Variants in EPB41L4A observed in about 807,000 individuals in gnomAD.
EPB41L4A encodes band 4.1-like protein 4A.
EPB41L4A carries 100 observed loss-of-function variants against 108.6 expected under a neutral mutation model. That is an observed-to-expected ratio of 0.92 (90% CI 0.78 to 1.09). EPB41L4A has a LOEUF of 1.09. EPB41L4A is among the 50% of genes least tolerant of loss of function. The probability of loss-of-function intolerance (pLI) is 0.00; values close to 1 mark genes in which losing one functional copy is unlikely to be tolerated. For synonymous variants in EPB41L4A, 319 were observed against 289.0 expected (o/e 1.10, Z -1.05); for missense variants, 1,030 against 842.7 (o/e 1.22, Z -2.75).
At chr5:112,183,942 T>C (rs3797319) in intron 18 of EPB41L4A, 74 bp downstream of exon 18, 37,150 of 1,571,760 alleles carry the variant, frequency 0.024, 1,717 homozygotes, top group Admixed American at 0.17. Context: ...TAAAACACTT[T>C]AGAAGACCTG....
intron 1 of EPB41L4A, among the ~76,000 whole-genome samples, chr5:112,337,104 G>C (rs998774536): frequency 1.3e-5 from 2 of 152,180 alleles, no homozygotes; most frequent in Non-Finnish European, 2.9e-5. Context: ...TGAAGGTTTT[G>C]TAAGATGCAA....
chr5:112,171,690 T>C (rs559574722), intron 18 of EPB41L4A, among the ~76,000 whole-genome samples: 1 of 152,360 alleles, frequency 6.6e-6, no homozygotes, highest in African/African-American at 2.4e-5. Context: ...TTCAAGTGTT[T>C]GTACTCTCTG....
At chr5:112,408,195 G>A (rs1049218305) in intron 1 of EPB41L4A, among the ~76,000 whole-genome samples, 3 of 152,256 alleles carry the variant, frequency 2.0e-5, no homozygotes, top group Non-Finnish European at 4.4e-5. Flanking sequence ...GTTGCGACAT[G>A]TGCAAATGAA....
intron 12 of EPB41L4A, among the ~76,000 whole-genome samples, chr5:112,211,931 G>A (rs1463690398): frequency 6.6e-6 from 1 of 152,194 alleles, no homozygotes; most frequent in African/African-American, 2.4e-5. Flanking sequence ...CAAAAGGTAA[G>A]CTCATGCTGG....
At chr5:112,319,689 T>A (rs1755648049) in intron 1 of EPB41L4A, among the ~76,000 whole-genome samples, 1 of 152,210 alleles carries the variant, frequency 6.6e-6, no homozygotes, top group Non-Finnish European at 1.5e-5. Context: ...GTTATCAAAG[T>A]ATCAAGTAAC....
chr5:112,380,783 TCACACACATACACA>T lies in EPB41L4A; in HGVS notation c.99+38144_99+38157del, dbSNP rs1174693272. 6.1e-3 allele frequency among the ~76,000 whole-genome samples: 739 copies of T among 120,174 alleles called. 3 individuals carry two copies. The highest frequency in any genetic ancestry group is 0.023 in the African/African-American group (699 of 30,718). 78.8% of individuals were successfully genotyped at this position (120,174 alleles called of 152,430 possible). On this transcript the variant is annotated intron_variant, in intron 1 of 22. Coordinates refer to ENST00000261486, the MANE Select transcript of EPB41L4A (RefSeq NM_022140.5). ...AAAAGAGAAACCCATCCTCTGCACA[TCACACACATACACA>T]CACACACACACACACACACACACAC... is the stretch of plus-strand genomic sequence containing the variant.
At chr5:112,298,988 TA>T (rs1473466909) in intron 2 of EPB41L4A, among the ~76,000 whole-genome samples, 5 of 152,230 alleles carry the variant, frequency 3.3e-5, no homozygotes, top group Non-Finnish European at 7.3e-5. Context: ...GTGTCAGTTG[TA>T]ATATCCCCCA....
intron 2 of EPB41L4A, among the ~76,000 whole-genome samples, chr5:112,307,028 A>G (rs1320183987): frequency 6.6e-6 from 1 of 152,068 alleles, no homozygotes; most frequent in Non-Finnish European, 1.5e-5. Flanking sequence ...AAGGCAATTA[A>G]TATCTCTCAC....
At chr5:112,356,210 G>C (rs1758349536) in intron 1 of EPB41L4A, among the ~76,000 whole-genome samples, 1 of 152,148 alleles carries the variant, frequency 6.6e-6, no homozygotes, top group African/African-American at 2.4e-5. Flanking sequence ...TATTACAACA[G>C]ATAGGAATGA....
At chr5:112,143,861 G>C in exon 14 of EPB41L4A, 1 of 456,038 alleles carries the variant, frequency 2.2e-6, no homozygotes, top group Non-Finnish European at 4.4e-6. Context: ...TGTATAAACA[G>C]GGAGAAAGCA....
chr5:112,161,720 G>T, downstream of EPB41L4A: 1 of 471,718 alleles, frequency 2.1e-6, no homozygotes, highest in Non-Finnish European at 4.2e-6. Context: ...ATGGATGCCT[G>T]AAGTGTAGAC....
At chr5:112,320,128 C>T (rs531124965) in intron 1 of EPB41L4A, among the ~76,000 whole-genome samples, 4 of 152,166 alleles carry the variant, frequency 2.6e-5, no homozygotes, top group Admixed American at 6.5e-5. Flanking sequence ...TGAGAAGTTC[C>T]GGGCCTTGCT....
At chr5:112,403,309 G>A (rs1358991656) in intron 1 of EPB41L4A, among the ~76,000 whole-genome samples, 1 of 135,096 alleles carries the variant, frequency 7.4e-6, no homozygotes, top group Admixed American at 7.6e-5. Context: ...AGGAAATAAT[G>A]ATTTATCAAG....
chr5:112,158,733 C>A (rs373137104), downstream of EPB41L4A, among the ~76,000 whole-genome samples: 1 of 152,110 alleles, frequency 6.6e-6, no homozygotes. Context: ...CTGGTGAGAT[C>A]TCCTGAGAAC....
At chr5:112,414,932 T>C (rs1023992576) in intron 1 of EPB41L4A, among the ~76,000 whole-genome samples, 18 of 152,154 alleles carry the variant, frequency 1.2e-4, no homozygotes, top group Admixed American at 3.3e-4. Flanking sequence ...CAGTGAATCT[T>C]ACGTTTGTGT....
At chr5:112,198,073 G>A (rs1320448561) in intron 15 of EPB41L4A, among the ~76,000 whole-genome samples, 1 of 151,816 alleles carries the variant, frequency 6.6e-6, no homozygotes, top group African/African-American at 2.4e-5. Flanking sequence ...CACTCTTGTG[G>A]CCCAACCTGG....
At chr5:112,231,521 CACGCCTGTA>C (rs1448510345) in intron 12 of EPB41L4A, among the ~76,000 whole-genome samples, 1 of 151,278 alleles carries the variant, frequency 6.6e-6, no homozygotes, top group Admixed American at 6.6e-5. Context: ...CGCGGTGGCT[CACGCCTGTA>C]ATCCCAGCAC....
intron 1 of EPB41L4A, among the ~76,000 whole-genome samples, chr5:112,365,874 A>G (rs1167669192): frequency 6.6e-6 from 1 of 152,240 alleles, no homozygotes; most frequent in Non-Finnish European, 1.5e-5. Flanking sequence ...AACTTGATTT[A>G]GAAAACATCG....
At position 112,195,413 on chromosome 5, in the gene EPB41L4A, T is replaced by C. The variant is rs559787887; in HGVS notation, c.1424+248A>G. Among the ~76,000 whole-genome samples, 12 of 150,664 alleles carry C rather than the reference T, an allele frequency of 8.0e-5. No homozygotes were observed. In the South Asian group the frequency reaches 2.5e-3, roughly 32 times the overall value. On this transcript the variant is annotated intron_variant, in intron 16 of 22. Coordinates refer to ENST00000261486, the MANE Select transcript of EPB41L4A (RefSeq NM_022140.5). ...GTTGTTGCTGCTTTAAGCCACTGAG[T>C]TCTGCAGTGGTTTATAATATGGCAA...
Sources: gnomAD v4.1 joint callset for allele counts (sites outside exome capture counted in the v4.1 genomes callset) on GRCh38, gnomAD v4.1.1 for gene constraint, MANE v1.5 for transcripts, NCBI Gene and HGNC (gene_info 2026-07-23, HGNC 2026-07-21) for gene names.